Variants in RALGAPB observed in about 807,000 individuals in gnomAD.
RALGAPB encodes Ral GTPase activating protein non-catalytic subunit beta, also known as ral GTPase-activating protein subunit beta.
Under a neutral mutation model 161.1 loss-of-function variants are expected in RALGAPB, and 25 were observed. That is an observed-to-expected ratio of 0.16 (90% CI 0.11 to 0.22). RALGAPB has a LOEUF of 0.22. Ranked by LOEUF, RALGAPB falls within the 10% of genes least tolerant of loss-of-function variation. The pLI, the probability that RALGAPB is intolerant of heterozygous loss-of-function variation, is 1.00. For missense variants in RALGAPB, 1,391 were observed against 1,815.2 expected (o/e 0.77, Z 4.25); for synonymous variants, 629 against 626.1 (o/e 1.00, Z -0.07).
intron 1 of RALGAPB, among the ~76,000 whole-genome samples, chr20:38,484,318 A>G (rs1359789097): frequency 1.3e-5 from 2 of 152,186 alleles, no homozygotes; most frequent in Non-Finnish European, 2.9e-5. Flanking sequence ...GTGAAGTTGT[A>G]GGACCTCCAT....
In RALGAPB at chr20:38,488,612, CAA is replaced by C; in HGVS notation, c.182_183del (p.Lys61ArgfsTer27). ...GTAGTGAGAATTTGTTAAAAACTGACAAAGAAGTAAGTGTTTCTAAATTTCAT... is the reference window on the plus strand; with the variant it reads ...GTAGTGAGAATTTGTTAAAAACTGACAGAAGTAAGTGTTTCTAAATTTCAT... ...AGSENLLKTD[K>X]EVKWTMEVIC... On this transcript the variant is annotated frameshift_variant, in exon 2 of 30. Coordinates refer to ENST00000262879, the MANE Select transcript of RALGAPB (RefSeq NM_020336.4). LOFTEE classifies it high-confidence loss of function. 6.2e-7 allele frequency: 1 copy of C among 1,610,176 alleles called. No individual in the cohort carries two copies. The highest frequency in any genetic ancestry group is 8.5e-7 in the Non-Finnish European group (1 of 1,177,506).
At chr20:38,509,255 T>TA in intron 6 of RALGAPB, 47 bp downstream of exon 6, 1 of 1,572,988 alleles carries the variant, frequency 6.4e-7, no homozygotes, top group Admixed American at 1.7e-5. Context: ...AGTAAGTATC[T>TA]TAGGGCAGGA....
intron 23 of RALGAPB, among the ~76,000 whole-genome samples, chr20:38,560,449 G>A (rs1266410153): frequency 1.3e-5 from 2 of 152,176 alleles, no homozygotes; most frequent in Admixed American, 1.3e-4. Flanking sequence ...ATTCTTCAGG[G>A]TAAAGAGAGC....
chr20:38,531,092 A>G, intron 13 of RALGAPB, 75 bp from the exon 14 acceptor site: 3 of 1,237,284 alleles, frequency 2.4e-6, no homozygotes, highest in Non-Finnish European at 3.5e-6. Flanking sequence ...CTGTACTATT[A>G]ATCATATAAA....
chr20:38,529,791 A>G (rs77354751), intron 13 of RALGAPB, among the ~76,000 whole-genome samples: 1,591 of 152,316 alleles, frequency 0.01, 22 homozygotes, highest in African/African-American at 0.036. Context: ...CAGTGAGCCA[A>G]GATCACGCTA....
chr20:38,526,071 G>A, intron 13 of RALGAPB, 29 bp downstream of exon 13: 1 of 1,611,484 alleles, frequency 6.2e-7, no homozygotes, highest in Non-Finnish European at 8.5e-7. Flanking sequence ...TTTTGTAAGT[G>A]AAACCAAAGT....
In RALGAPB at chr20:38,489,872, G is replaced by A. The variant is rs147401283; in HGVS notation, c.186+1254G>A. ...ACAGGCCCTAGTGTTTCTCTTCCTGGTGCGTTTGTGATCCCTTGTTGCCTT... is the reference window on the plus strand; with the variant it reads ...ACAGGCCCTAGTGTTTCTCTTCCTGATGCGTTTGTGATCCCTTGTTGCCTT... On this transcript the variant is annotated intron_variant, in intron 2 of 29. Coordinates refer to ENST00000262879, the MANE Select transcript of RALGAPB (RefSeq NM_020336.4). Among the ~76,000 whole-genome samples, 862 of 152,228 alleles carry A rather than the reference G, an allele frequency of 5.7e-3. 4 individuals are homozygous for A. Among genetic ancestry groups the A allele is most frequent in the Non-Finnish European group, 9.1e-3 (621 of 68,026 alleles).
intron 3 of RALGAPB, among the ~76,000 whole-genome samples, chr20:38,496,224 A>G (rs888342948): frequency 6.6e-6 from 1 of 152,082 alleles, no homozygotes; most frequent in Non-Finnish European, 1.5e-5. Context: ...CTTTAGGGAA[A>G]ACTTAGTGGT....
At chr20:38,562,390 C>CT (rs571956869) in intron 23 of RALGAPB, 142 bp from the exon 24 acceptor site, 37 of 719,012 alleles carry the variant, frequency 5.1e-5, no homozygotes, top group Non-Finnish European at 7.8e-5. Context: ...GCATTTTTCT[C>CT]TATAGTGATA....
At position 38,577,728 on chromosome 20, in the gene RALGAPB, C is replaced by T. The variant is rs891890131; in HGVS notation, c.*2761C>T. The T allele has an allele frequency of 6.5e-6, 1 of 152,906 alleles. No individual in the cohort carries two copies. The highest frequency in any genetic ancestry group is 1.5e-5 in the Non-Finnish European group (1 of 68,830). 9.5% of individuals were successfully genotyped at this position (152,906 alleles called of 1,614,324 possible). ...ACACACACACACACACACACACACA[C>T]ACACTCGCATACTCATGCACATTTT... On this transcript the variant is annotated 3_prime_UTR_variant, in exon 30 of 30. Transcript: ENST00000262879.
At chr20:38,548,927 T>G in intron 20 of RALGAPB, 132 bp downstream of exon 20, 2 of 700,120 alleles carry the variant, frequency 2.9e-6, no homozygotes, top group East Asian at 2.7e-5. Context: ...TGGGTTCATA[T>G]CAGAATCATC....
At chr20:38,521,473 A>G (rs1177566059) in intron 9 of RALGAPB, 24 bp from the exon 10 acceptor site, 2 of 1,613,776 alleles carry the variant, frequency 1.2e-6, no homozygotes, top group South Asian at 2.2e-5. Flanking sequence ...CAAATATAAT[A>G]AAACCCTCCT....
At chr20:38,531,138 T>C (rs1183753763) in intron 13 of RALGAPB, 29 bp from the exon 14 acceptor site, 1 of 1,527,998 alleles carries the variant, frequency 6.5e-7, no homozygotes, top group Non-Finnish European at 9.1e-7. Context: ...GTGTATTTTA[T>C]ATAAAATACT....
rs533788680 is a variant in RALGAPB, at chr20:38,565,585, T to C, written c.3817+107T>C. The C allele has an allele frequency of 2.2e-6, 3 of 1,339,840 alleles. No homozygotes were observed. The Admixed American group carries it at 6.6e-5, about 30-fold the overall frequency. The allele number at this position is 1,339,840 out of a possible 1,614,324, so 83.0% of individuals were successfully genotyped here. A position where few individuals can be genotyped will look rare whatever the true frequency, so the allele number is the denominator to read the frequency against. On this transcript the variant is annotated intron_variant, in intron 25 of 29. Coordinates refer to ENST00000262879, the MANE Select transcript of RALGAPB (RefSeq NM_020336.4). Reference sequence around the variant, plus strand: ...TTTTGAAGTGATCTAAGGCATTCTTTAGCTTCTAAGGCATTATAACAATAT... The same window carrying C: ...TTTTGAAGTGATCTAAGGCATTCTTCAGCTTCTAAGGCATTATAACAATAT...
chr20:38,553,059 A>G (rs368506784), intron 21 of RALGAPB, among the ~76,000 whole-genome samples: 10 of 152,288 alleles, frequency 6.6e-5, no homozygotes, highest in African/African-American at 2.2e-4. Context: ...CCCCACCGCA[A>G]TAGTAGAGCA....
intron 1 of RALGAPB, among the ~76,000 whole-genome samples, chr20:38,484,682 A>G (rs1327578933): frequency 6.6e-6 from 1 of 152,124 alleles, no homozygotes; most frequent in Non-Finnish European, 1.5e-5. Context: ...CTTCTAGGTG[A>G]CAGCTAGAAC....
At chr20:38,479,564 C>G (rs1453618558) in intron 1 of RALGAPB, among the ~76,000 whole-genome samples, 2 of 152,122 alleles carry the variant, frequency 1.3e-5, no homozygotes, top group Non-Finnish European at 2.9e-5. Context: ...AGAGAGAATA[C>G]CTAGAAAATG....
chr20:38,499,937 T>G (rs571969986), intron 5 of RALGAPB: 177 of 178,242 alleles, frequency 9.9e-4, no homozygotes, highest in Non-Finnish European at 1.7e-3. Flanking sequence ...ATCATTATTT[T>G]AAAGAAACAA....
chr20:38,541,007 G>T (rs773648361), intron 17 of RALGAPB, 34 bp from the exon 18 acceptor site: 1 of 1,606,106 alleles, frequency 6.2e-7, no homozygotes, highest in Non-Finnish European at 8.5e-7. Context: ...AGAAAGGTGT[G>T]TTCTAAAAAT....
Sources: gnomAD v4.1 joint callset for allele counts (sites outside exome capture counted in the v4.1 genomes callset) on GRCh38, gnomAD v4.1.1 for gene constraint, MANE v1.5 for transcripts, NCBI Gene and HGNC (gene_info 2026-07-23, HGNC 2026-07-21) for gene names.